The following PIAS2 variants were observed in gnomAD, a reference collection of about 807,000 sequenced individuals.
PIAS2 encodes the protein protein inhibitor of activated STAT 2.
Under a neutral mutation model 69.7 loss-of-function variants are expected in PIAS2, and 19 were observed. The observed-to-expected ratio is 0.27, with a 90% CI of 0.19 to 0.40. PIAS2 has a LOEUF of 0.40. Ranked by LOEUF, PIAS2 falls within the 10% of genes least tolerant of loss-of-function variation. PIAS2 has a pLI of 1.00. For synonymous variants in PIAS2, 261 were observed against 263.2 expected (o/e 0.99, Z 0.08); for missense variants, 624 against 757.0 (o/e 0.82, Z 2.06).
intron 1 of PIAS2, among the ~76,000 whole-genome samples, chr18:46,896,308 G>A (rs1326264479): frequency 6.7e-6 from 1 of 150,108 alleles, no homozygotes; most frequent in Non-Finnish European, 1.5e-5. Flanking sequence ...AATAGTGCAT[G>A]CAACTATATA....
At chr18:46,815,802 GCT>G in intron 12 of PIAS2, 2 of 994,748 alleles carry the variant, frequency 2.0e-6, no homozygotes, top group Non-Finnish European at 2.4e-6. Context: ...TTCAATGACA[GCT>G]CTCTGTCCCC....
intron 12 of PIAS2, chr18:46,815,789 T>C (rs2041455118): frequency 1.0e-6 from 1 of 995,426 alleles, no homozygotes; most frequent in African/African-American, 1.7e-5. Context: ...AACAGATGTC[T>C]ATTTCAATGA....
At chr18:46,827,213 T>C (rs927632713) in intron 11 of PIAS2, 4 of 152,232 alleles carry the variant, frequency 2.6e-5, no homozygotes, top group African/African-American at 9.6e-5. Flanking sequence ...AATGTGTTCG[T>C]AGACAGCCAG....
intron 5 of PIAS2, chr18:46,852,779 A>G (rs2047160464): frequency 6.6e-6 from 1 of 152,276 alleles, no homozygotes; most frequent in Non-Finnish European, 1.5e-5. Flanking sequence ...ACACATCTGT[A>G]GCCACCATAT....
At chr18:46,848,788 T>TGAGA (rs60707180) in intron 5 of PIAS2, among the ~76,000 whole-genome samples, 1,627 of 146,274 alleles carry the variant, frequency 0.011, 18 homozygotes, top group Non-Finnish European at 0.017. Context: ...TGTGTGTGTG[T>TGAGA]GAGAGAGAGA....
chr18:46,872,578 T>C (rs2050533129), intron 2 of PIAS2, among the ~76,000 whole-genome samples: 2 of 152,114 alleles, frequency 1.3e-5, no homozygotes, highest in Non-Finnish European at 2.9e-5. Context: ...CACACCTTCT[T>C]AACCATTTAC....
At chr18:46,851,112 T>A (rs1193378705) in intron 5 of PIAS2, among the ~76,000 whole-genome samples, 4 of 152,212 alleles carry the variant, frequency 2.6e-5, no homozygotes, top group Admixed American at 1.3e-4. Context: ...TGAGTTTATG[T>A]CAGTCCTGAT....
chr18:46,803,223 GTTTAA>G lies in PIAS2; in HGVS notation c.*9205_*9209del, dbSNP rs2040546778. On this transcript the variant is annotated 3_prime_UTR_variant, in exon 14 of 14. Coordinates refer to ENST00000585916, the MANE Select transcript of PIAS2 (RefSeq NM_004671.5). ...TGACCAATGAAAGCAATGGGTCATA[GTTTAA>G]TTAGCAGGTTTAATTTTTCTTTAAT... is the stretch of plus-strand genomic sequence containing the variant. 4.6e-5 allele frequency: 7 copies of G among 151,964 alleles called. No individual in the cohort carries two copies. Among genetic ancestry groups the G allele is most frequent in the Admixed American group, 4.6e-4 (7 of 15,246 alleles). 9.4% of individuals were successfully genotyped at this position (151,964 alleles called of 1,614,324 possible).
intron 12 of PIAS2, chr18:46,818,513 T>C: frequency 1.4e-6 from 2 of 1,392,446 alleles, no homozygotes; most frequent in Non-Finnish European, 9.5e-7. Context: ...ATTAAAACTT[T>C]GTTATCTCTC....
intron 12 of PIAS2, chr18:46,816,731 G>C (rs1276295464): frequency 1.1e-6 from 1 of 901,594 alleles, no homozygotes; most frequent in Non-Finnish European, 1.3e-6. Context: ...GCCTCCCAAA[G>C]TGCTGGGATT....
At chr18:46,901,560 T>C (rs1268669046) in intron 1 of PIAS2, among the ~76,000 whole-genome samples, 1 of 152,240 alleles carries the variant, frequency 6.6e-6, no homozygotes, top group East Asian at 1.9e-4. Context: ...TATTCCAGTA[T>C]GCAAGACTGG....
In PIAS2 at chr18:46,821,065, T is replaced by G. The variant is rs755851244; in HGVS notation, c.1516A>C (p.Met506Leu). The G allele has an allele frequency of 1.9e-6, 3 of 1,613,188 alleles. No homozygotes were observed. Among genetic ancestry groups the G allele is most frequent in the Non-Finnish European group, 1.7e-6 (2 of 1,179,470 alleles). The change falls in exon 12 of 14, where the codon ATG becomes CTG. Residue 506 changes from methionine to leucine, a missense_variant. By Grantham distance (15) the Met-to-Leu change is conservative. Transcript: ENST00000585916. ...TQSSPTKGVL[M>L]YQPSSVRVPS... ...ACCCTTACAGAAGATGGCTGATACA[T>G]GAGAACCCTGTTTTAAATAGCACGG...
chr18:46,845,710 A>G (rs2046072724), intron 6 of PIAS2, among the ~76,000 whole-genome samples: 1 of 152,028 alleles, frequency 6.6e-6, no homozygotes. Context: ...TACTTTTAAT[A>G]GCTGCCAAAC....
chr18:46,897,930 A>C (rs1349499905), intron 1 of PIAS2, among the ~76,000 whole-genome samples: 1 of 151,732 alleles, frequency 6.6e-6, no homozygotes, highest in Non-Finnish European at 1.5e-5. Flanking sequence ...GGAGTGTGGC[A>C]ACACGATCTT....
At chr18:46,862,383 C>G (rs757574799) in intron 3 of PIAS2, among the ~76,000 whole-genome samples, 3 of 152,104 alleles carry the variant, frequency 2.0e-5, no homozygotes, top group Non-Finnish European at 4.4e-5. Context: ...ACTTACTTAA[C>G]TGCAACAATC....
At chr18:46,920,059 G>A (rs757168364), upstream of PIAS2, 14 of 1,289,198 alleles carry the variant, frequency 1.1e-5, no homozygotes, top group South Asian at 6.2e-5. Flanking sequence ...TGAAACTTAC[G>A]TGCAGTGTTC....
intron 1 of PIAS2, among the ~76,000 whole-genome samples, chr18:46,898,939 T>C (rs550778978): frequency 4.7e-5 from 7 of 150,318 alleles, no homozygotes; most frequent in African/African-American, 1.7e-4. Flanking sequence ...AGGTTGCAGT[T>C]AGCCGAGATT....
At chr18:46,813,680 G>A (rs903654684) in intron 13 of PIAS2, among the ~76,000 whole-genome samples, 9 of 152,128 alleles carry the variant, frequency 5.9e-5, no homozygotes, top group Non-Finnish European at 1.3e-4. Flanking sequence ...TTCCAAGGCC[G>A]GTGAATAAAA....
At position 46,811,663 on chromosome 18, in the gene PIAS2, A is replaced by T. The variant is rs1035023618; in HGVS notation, c.*770T>A. 8.5e-5 allele frequency: 13 copies of T among 152,232 alleles called. No individual in the cohort carries two copies. Among genetic ancestry groups the T allele is most frequent in the Admixed American group, 5.9e-4 (9 of 15,278 alleles). 9.4% of individuals were successfully genotyped at this position (152,232 alleles called of 1,614,324 possible). A position where few individuals can be genotyped will look rare whatever the true frequency, so the allele number is the denominator to read the frequency against. ...TAGAAAACTCTAGAATGAAAAATGT[A>T]CAATTACTAAAAACATAATAACACA... On this transcript the variant is annotated 3_prime_UTR_variant, in exon 14 of 14. Transcript: ENST00000585916.
Sources: allele counts gnomAD v4.1 joint callset (sites outside exome capture counted in the v4.1 genomes callset), GRCh38; gene constraint gnomAD v4.1.1; transcripts MANE v1.5; gene names NCBI Gene and HGNC (gene_info 2026-07-23, HGNC 2026-07-21).